AP3D1: variants seen among roughly 807,000 people sequenced by gnomAD.
The protein encoded by AP3D1 is AP-3 complex subunit delta-1.
Under a neutral mutation model 147.6 loss-of-function variants are expected in AP3D1, and 51 were observed. That is an observed-to-expected ratio of 0.35 (90% CI 0.28 to 0.44). The LOEUF (loss-of-function observed/expected upper bound fraction) is 0.44. Ranked by LOEUF, AP3D1 falls within the 20% of genes least tolerant of loss-of-function variation. AP3D1 has a pLI of 1.00. For synonymous variants in AP3D1, 760 were observed against 663.0 expected, an observed-to-expected ratio of 1.15 and a Z score of -2.25; for missense variants, 1,421 against 1,624.2, an observed-to-expected ratio of 0.87 and a Z score of 2.15.
chr19:2,116,761 A>G lies in AP3D1; in HGVS notation c.1860-15T>C, dbSNP rs78648742. Reference sequence around the variant, plus strand: ...CCAGGTCCAGGCTGCACCGGACAGGAGGGCCACACAAGGCAGTGTGTGACC... The same window carrying G: ...CCAGGTCCAGGCTGCACCGGACAGGGGGGCCACACAAGGCAGTGTGTGACC... On this transcript the variant is annotated splice_polypyrimidine_tract_variant and intron_variant, in intron 16 of 31. Transcript: ENST00000643116. The G allele has an allele frequency of 0.15, 242,183 of 1,597,528 alleles. 19,487 individuals carry two copies. Among genetic ancestry groups the G allele is most frequent in the Non-Finnish European group, 0.17 (194,054 of 1,171,674 alleles).
At position 2,101,422 on chromosome 19, in the gene AP3D1, C is replaced by G. The variant is rs893644803; in HGVS notation, c.*751G>C. The G allele has an allele frequency of 2.0e-5, 3 of 151,348 alleles. No individual in the cohort carries two copies. Among genetic ancestry groups the G allele is most frequent in the Non-Finnish European group, 2.9e-5 (2 of 68,006 alleles). The allele number at this position is 151,348 out of a possible 1,614,324, so 9.4% of individuals were successfully genotyped here. A position where few individuals can be genotyped will look rare whatever the true frequency, so the allele number is the denominator to read the frequency against. On this transcript the variant is annotated 3_prime_UTR_variant, in exon 32 of 32. Coordinates refer to ENST00000643116, the MANE Select transcript of AP3D1 (RefSeq NM_001261826.3). The stretch of plus-strand genomic sequence containing the variant: ...GGTGCTGGGAAGGATGTGGGGAAAC[C>G]TTGGTGCGCATAGTGGCAAGCAGGG...
Position 2,115,276 on chromosome 19 carries a change from G to A in AP3D1, c.2292C>T (p.Ser764=), listed in dbSNP as rs376361242. The stretch of plus-strand genomic sequence containing the variant: ...GCTGGGCAGGGGCGATGTCCTCGTC[G>A]CTCTCCGTGGGCAGCGAGCTGTGGC... ...KRRHSSLPTE[S]DEDIAPAQQV... The change falls in exon 20 of 32, where the codon AGC becomes AGT. Residue 764 remains serine (S), a synonymous_variant. Transcript: ENST00000643116. 1.3e-4 allele frequency: 214 copies of A among 1,613,386 alleles called. No individual in the cohort carries two copies. In the East Asian group the frequency reaches 2.0e-3, roughly 15 times the overall value.
intron 30 of AP3D1, 153 bp downstream of exon 30, chr19:2,108,933 C>A: frequency 1.5e-6 from 2 of 1,350,428 alleles, no homozygotes; most frequent in Non-Finnish European, 2.0e-6. Flanking sequence ...GCAGCCCCCG[C>A]ACCAGCTCCC....
Position 2,114,161 on chromosome 19 carries a change from C to T in AP3D1, c.2565G>A (p.Glu855=). 5 of 1,576,208 alleles carry T rather than the reference C, an allele frequency of 3.2e-6. No homozygotes were observed. The highest frequency in any genetic ancestry group is 3.4e-6 in the Non-Finnish European group (4 of 1,160,346). Residue 855 remains glutamate (E), a synonymous_variant, in exon 22 of 32, where the codon GAG becomes GAA. Transcript: ENST00000643116. The part of the protein sequence containing the change: ...KKKEKKHKEK[E]RDKEKKKEKE... ...TCTCCTTCTTCTTCTCCTTGTCTCT[C>T]TCTTTCTCTTTGTGTTTTTTCTCTT...
intron 16 of AP3D1, 38 bp downstream of exon 16, chr19:2,117,184 G>C (rs1341902573): frequency 8.4e-6 from 13 of 1,552,214 alleles, no homozygotes; most frequent in Non-Finnish European, 1.1e-5. Context: ...GACCATGTCA[G>C]GGCCATGGTT....
chr19:2,110,261 GC>G lies in AP3D1; in HGVS notation c.3176-38del. 1.9e-6 allele frequency: 3 copies of G among 1,583,282 alleles called. No homozygotes were observed. In the East Asian group the frequency reaches 6.7e-5, roughly 35 times the overall value. ...GAGAGGGAGTGGGGCCTGAGACGCTGCGGGGGCTCAGCATGGGTGGGGCCTC... is the reference window on the plus strand; with the variant it reads ...GAGAGGGAGTGGGGCCTGAGACGCTGGGGGGCTCAGCATGGGTGGGGCCTC... On this transcript the variant is annotated intron_variant, in intron 27 of 31. Coordinates refer to ENST00000643116, the MANE Select transcript of AP3D1 (RefSeq NM_001261826.3).
intron 9 of AP3D1, among the ~76,000 whole-genome samples, chr19:2,124,699 G>T (rs970966980): frequency 6.6e-6 from 1 of 152,200 alleles, no homozygotes; most frequent in African/African-American, 2.4e-5. Context: ...CCAGCGCTTT[G>T]GGAGGCTGAG....
intron 1 of AP3D1, among the ~76,000 whole-genome samples, chr19:2,144,673 C>T (rs1490144364): frequency 1.3e-5 from 2 of 152,046 alleles, no homozygotes; most frequent in Non-Finnish European, 2.9e-5. Flanking sequence ...TTTGGGAGGC[C>T]GAGCAGATCA....
intron 4 of AP3D1, among the ~76,000 whole-genome samples, chr19:2,136,063 A>T (rs1446695611): frequency 6.7e-6 from 1 of 149,518 alleles, no homozygotes; most frequent in Non-Finnish European, 1.5e-5. Context: ...CTACACGGCC[A>T]CGACCCAAGA....
chr19:2,121,752 C>T lies in AP3D1; in HGVS notation c.1083G>A (p.Leu361=). 1 of 1,607,642 alleles carries T rather than the reference C, an allele frequency of 6.2e-7. No individual in the cohort carries two copies. Among genetic ancestry groups the T allele is most frequent in the Non-Finnish European group, 8.5e-7 (1 of 1,177,322 alleles). The part of the protein sequence containing the change: ...DKDESIRLRA[L]DLLYGMVSKK... ...CACGCACCATCCCATAGAGCAGGTC[C>T]AGGGCCCGCAGCCGGATGGACTCGT... Residue 361 remains leucine, a synonymous_variant, in exon 12 of 32, where the codon CTG becomes CTA. Transcript: ENST00000643116.
At chr19:2,125,610 C>T (rs1423210513) in intron 9 of AP3D1, among the ~76,000 whole-genome samples, 1 of 152,150 alleles carries the variant, frequency 6.6e-6, no homozygotes, top group Non-Finnish European at 1.5e-5. Flanking sequence ...TGAGCCACCA[C>T]GCCCGGCCAG....
chr19:2,111,511 G>GTGCCTAATGTGGGGC, intron 25 of AP3D1, 168 bp downstream of exon 25: 3 of 1,195,666 alleles, frequency 2.5e-6, no homozygotes, highest in East Asian at 2.6e-5. Context: ...CACCACGGGG[G>GTGCCTAATGTGGGGC]TGCCTAATGT....
At chr19:2,134,636 C>T (rs1331792915) in intron 4 of AP3D1, among the ~76,000 whole-genome samples, 4 of 150,824 alleles carry the variant, frequency 2.7e-5, no homozygotes, top group Non-Finnish European at 5.9e-5. Flanking sequence ...GAGTCTCGCT[C>T]TGTCACCCAG....
intron 5 of AP3D1, among the ~76,000 whole-genome samples, chr19:2,131,504 A>C (rs78325598): frequency 0.031 from 2,421 of 78,140 alleles, 331 homozygotes; most frequent in Middle Eastern, 0.083. Flanking sequence ...GGCAGCCACG[A>C]GGGGACAGGG....
chr19:2,163,452 A>G (rs1259176811), intron 1 of AP3D1, among the ~76,000 whole-genome samples: 1 of 150,870 alleles, frequency 6.6e-6, no homozygotes, highest in Non-Finnish European at 1.5e-5. Flanking sequence ...TTGGCCTCCC[A>G]AAGTGCTGGG....
At position 2,102,248 on chromosome 19, in the gene AP3D1, G is replaced by A. The variant is rs375471632; in HGVS notation, c.3573C>T (p.Val1191=). The A allele has an allele frequency of 2.1e-5, 34 of 1,613,510 alleles. No homozygotes were observed. The East Asian group carries it at 4.7e-4, about 22-fold the overall frequency. Residue 1191 remains valine, a synonymous_variant, in exon 32 of 32, where the codon GTC becomes GTT. Coordinates refer to ENST00000643116, the MANE Select transcript of AP3D1 (RefSeq NM_001261826.3). ...LVKKGENSVS[V]DGKCSDSTLL... The stretch of plus-strand genomic sequence containing the variant: ...GCGTGGAGTCACTGCACTTCCCGTC[G>A]ACTGAGACAGAGTTCTCACCCTGTG...
chr19:2,142,238 C>T (rs2144535961), intron 1 of AP3D1, among the ~76,000 whole-genome samples: 1 of 152,094 alleles, frequency 6.6e-6, no homozygotes, highest in Non-Finnish European at 1.5e-5. Context: ...GTCTTGAACT[C>T]CTGACCTCAA....
chr19:2,128,043 T>G (rs1471722077), intron 8 of AP3D1, among the ~76,000 whole-genome samples: 1 of 152,212 alleles, frequency 6.6e-6, no homozygotes, highest in African/African-American at 2.4e-5. Context: ...TCTGTGAATG[T>G]GTCCTTGTTG....
chr19:2,157,743 A>G (rs1364419472), intron 1 of AP3D1, among the ~76,000 whole-genome samples: 1 of 149,454 alleles, frequency 6.7e-6, no homozygotes, highest in Admixed American at 6.7e-5. Context: ...CCATCCATCC[A>G]TTCAACAACA....
Sources: gnomAD v4.1 joint callset for allele counts (sites outside exome capture counted in the v4.1 genomes callset) on GRCh38, gnomAD v4.1.1 for gene constraint, MANE v1.5 for transcripts, NCBI Gene and HGNC (gene_info 2026-07-23, HGNC 2026-07-21) for gene names.